Variants in S100A1 observed in about 807,000 individuals in gnomAD.
S100A1 encodes the protein S100 calcium binding protein A1.
A neutral mutation model predicts 7.6 loss-of-function variants in S100A1; 3 were observed. That is an observed-to-expected ratio of 0.40 (90% CI 0.18 to 1.02). The LOEUF (loss-of-function observed/expected upper bound fraction) is 1.02. Ranked by LOEUF, S100A1 falls within the 50% of genes least tolerant of loss-of-function variation. The probability of loss-of-function intolerance (pLI) is 0.35; values close to 1 mark genes in which losing one functional copy is unlikely to be tolerated. For synonymous variants in S100A1, 49 were observed against 49.0 expected (o/e 1.00, Z 0.00); for missense variants, 126 against 115.0 (o/e 1.10, Z -0.44).
intron 2 of S100A1, 26 bp downstream of exon 2, chr1:153,630,688 G>A (rs201157201): frequency 1.2e-6 from 2 of 1,611,662 alleles, no homozygotes; most frequent in Non-Finnish European, 8.5e-7. Flanking sequence ...TGGAGTGGGA[G>A]TGGAGTGGGT....
rs10529 is a variant in S100A1 at position 153,631,843 on chromosome 1, C to T, written c.*2C>T. On this transcript the variant is annotated 3_prime_UTR_variant, in exon 3 of 3. Transcript: ENST00000292169. ...AATTTCTTCTGGGAGAACAGTTGAG[C>T]AGACAGCCACATTGGGCAGCGCCCT... 10 of 1,613,268 alleles carry T rather than the reference C, an allele frequency of 6.2e-6. No individual in the cohort carries two copies. The Admixed American group carries it at 1.7e-4, about 27-fold the overall frequency.
rs200954821 is a variant in S100A1, at chr1:153,630,615, A to G, written c.94A>G (p.Lys32Glu). The change falls in exon 2 of 3, where the codon AAG (lysine) becomes GAG (glutamate). Residue 32 changes from lysine to glutamate, a missense_variant. Coordinates refer to ENST00000292169, the MANE Select transcript of S100A1 (RefSeq NM_006271.2). ...KEGDKYKLSK[K>E]ELKELLQTEL... is the part of the protein sequence containing the mutation. ...GGGGGACAAGTACAAGCTGAGCAAG[A>G]AGGAGCTGAAAGAGCTGCTGCAGAC... 1.7e-5 allele frequency: 28 copies of G among 1,614,246 alleles called. 1 individual carries two copies. The South Asian group carries it at 1.8e-4, about 10-fold the overall frequency.
In S100A1 at chr1:153,630,617, GGAGCTGAAA is replaced by G; in HGVS notation, c.103_111del (p.Lys35_Leu37del). 6.2e-7 allele frequency: 1 copy of G among 1,614,280 alleles called. No individual in the cohort carries two copies. Among genetic ancestry groups the G allele is most frequent in the South Asian group, 1.1e-5 (1 of 91,092 alleles). On this transcript the variant is annotated inframe_deletion, in exon 2 of 3. Transcript: ENST00000292169. ...GGGACAAGTACAAGCTGAGCAAGAAGGAGCTGAAAGAGCTGCTGCAGACGGAGCTCTCTG... is the reference window on the plus strand; with the variant it reads ...GGGACAAGTACAAGCTGAGCAAGAAGGAGCTGCTGCAGACGGAGCTCTCTG...
chr1:153,630,699 G>A (rs917423813), intron 2 of S100A1, 37 bp downstream of exon 2: 1 of 1,608,164 alleles, frequency 6.2e-7, no homozygotes, highest in Middle Eastern at 1.7e-4. Context: ...TGGAGTGGGT[G>A]AAGGTTGGGG....
chr1:153,628,537 G>A (rs770578849), intron 1 of S100A1, 41 bp downstream of exon 1: 37 of 1,548,930 alleles, frequency 2.4e-5, no homozygotes, highest in South Asian at 1.7e-4. Flanking sequence ...TGGCCTGCCA[G>A]CTTCAGGGAG....
chr1:153,631,955 C>T lies in S100A1; in HGVS notation c.*114C>T. The T allele has an allele frequency of 2.6e-6, 3 of 1,165,124 alleles. No homozygotes were observed. The highest frequency in any genetic ancestry group is 3.5e-6 in the Non-Finnish European group (3 of 847,480). The allele number at this position is 1,165,124 out of a possible 1,614,324, so 72.2% of individuals were successfully genotyped here. A position where few individuals can be genotyped will look rare whatever the true frequency, so the allele number is the denominator to read the frequency against. The stretch of plus-strand genomic sequence containing the variant: ...CTCCATAACCCCACCCTTGCCCACC[C>T]CACCCCCACCCCCACCAAGGGCGCA... On this transcript the variant is annotated 3_prime_UTR_variant, in exon 3 of 3. Transcript: ENST00000292169.
chr1:153,628,675 TGAGAGACAAATGAA>T, intron 1 of S100A1, 179 bp downstream of exon 1: 1 of 1,089,914 alleles, frequency 9.2e-7, no homozygotes, highest in Non-Finnish European at 1.3e-6. Flanking sequence ...AAGGTGGTGA[TGAGAGACAAATGAA>T]CTGAAGGTCG....
Position 153,631,864 on chromosome 1 carries a change from G to A in S100A1, c.*23G>A, listed in dbSNP as rs186810005. ...TGAGCAGACAGCCACATTGGGCAGC[G>A]CCCTTCCTCTCCACCCTCCCAGACC... is the stretch of plus-strand genomic sequence containing the variant. On this transcript the variant is annotated 3_prime_UTR_variant, in exon 3 of 3. Coordinates refer to ENST00000292169, the MANE Select transcript of S100A1 (RefSeq NM_006271.2). 3,624 of 1,609,850 alleles carry A rather than the reference G, an allele frequency of 2.3e-3. 44 individuals carry two copies. The African/African-American group carries it at 0.031, about 14-fold the overall frequency.
chr1:153,630,459 A>G (rs1327321357), intron 1 of S100A1, 50 bp from the exon 2 acceptor site: 11 of 1,597,388 alleles, frequency 6.9e-6, no homozygotes, highest in African/African-American at 1.3e-5. Flanking sequence ...CCTAGACCCC[A>G]GGTACTCCGG....
chr1:153,631,350 A>G, intron 2 of S100A1: 1 of 1,063,326 alleles, frequency 9.4e-7, no homozygotes, highest in Non-Finnish European at 1.3e-6. Flanking sequence ...ACCACCGATT[A>G]CCAATTTGTT....
chr1:153,628,752 G>A (rs1298711885), intron 1 of S100A1: 3 of 566,234 alleles, frequency 5.3e-6, no homozygotes, highest in Non-Finnish European at 8.7e-6. Flanking sequence ...AACCCACCAT[G>A]AGCTTCCTGA....
chr1:153,630,731 G>A, intron 2 of S100A1, 69 bp downstream of exon 2: 1 of 1,553,018 alleles, frequency 6.4e-7, no homozygotes, highest in South Asian at 1.2e-5. Flanking sequence ...ACACCCCCTT[G>A]CTATCTCCCC....
At chr1:153,631,548 A>C in intron 2 of S100A1, 150 bp from the exon 3 acceptor site, 2 of 1,613,928 alleles carry the variant, frequency 1.2e-6, no homozygotes, top group African/African-American at 1.3e-5. Context: ...AGAAGCCCTC[A>C]AGACCTTTGA....
chr1:153,629,891 GA>G (rs1278551755), intron 1 of S100A1: 1 of 153,214 alleles, frequency 6.5e-6, no homozygotes, highest in Non-Finnish European at 1.5e-5. Flanking sequence ...AGAGTTGAAG[GA>G]CCAAAAGGGG....
rs140142134 is a variant in S100A1 at position 153,630,564 on chromosome 1, G to A, written c.43G>A (p.Val15Met). Reference protein sequence around the residue: ...LETAMETLINVFHAHSGKEGD... With the variant: ...LETAMETLINMFHAHSGKEGD... ...GACGGCGATGGAGACCCTCATCAAC[G>A]TGTTCCACGCCCACTCGGGCAAAGA... Residue 15 changes from valine to methionine, a missense_variant, in exon 2 of 3, where the codon GTG becomes ATG. By Grantham distance (21) the Val-to-Met change is conservative. Transcript: ENST00000292169. The A allele has an allele frequency of 2.5e-5, 40 of 1,614,278 alleles. No individual in the cohort carries two copies. The highest frequency in any genetic ancestry group is 1.1e-4 in the South Asian group (10 of 91,090).
intron 1 of S100A1, chr1:153,629,683 C>G (rs920840580): frequency 6.6e-6 from 1 of 152,378 alleles, no homozygotes. Flanking sequence ...CCACTATCCC[C>G]GAATCAACCA....
At chr1:153,628,571 G>T (rs1667815171) in intron 1 of S100A1, 75 bp downstream of exon 1, 6 of 1,536,108 alleles carry the variant, frequency 3.9e-6, no homozygotes, top group Non-Finnish European at 5.3e-6. Flanking sequence ...AGGGCTCCAA[G>T]AGGCTGGGGA....
Position 153,630,550 on chromosome 1 carries a change from A to T in S100A1, c.29A>T (p.Glu10Val). The change falls in exon 2 of 3, where the codon GAG (glutamate) becomes GTG (valine). Residue 10 changes from glutamate (E) to valine (V), a missense_variant. Physicochemically the swap from Glu to Val is moderately radical, Grantham distance 121. Transcript: ENST00000292169. Reference sequence around the variant, plus strand: ...GGCTCTGAGCTGGAGACGGCGATGGAGACCCTCATCAACGTGTTCCACGCC... The same window carrying T: ...GGCTCTGAGCTGGAGACGGCGATGGTGACCCTCATCAACGTGTTCCACGCC... Reference protein sequence around the residue: MGSELETAMETLINVFHAHS... With the variant: MGSELETAMVTLINVFHAHS... 1 of 1,614,260 alleles carries T rather than the reference A, an allele frequency of 6.2e-7. No individual in the cohort carries two copies. The highest frequency in any genetic ancestry group is 8.5e-7 in the Non-Finnish European group (1 of 1,180,042).
intron 2 of S100A1, chr1:153,631,329 ATATT>A: frequency 1.2e-6 from 1 of 863,400 alleles, no homozygotes; most frequent in South Asian, 1.8e-5. Context: ...GACTTTGGGC[ATATT>A]TATTTAACCA....
Sources: allele counts gnomAD v4.1 joint callset, GRCh38; gene constraint gnomAD v4.1.1; transcripts MANE v1.5; gene names NCBI Gene and HGNC (gene_info 2026-07-23, HGNC 2026-07-21).